The following PEX7 variants were observed in gnomAD, a reference collection of about 807,000 sequenced individuals.
The protein encoded by PEX7 is PTS2 receptor.
A neutral mutation model predicts 47.5 loss-of-function variants in PEX7; 34 were observed. The ratio of observed to expected loss-of-function variants is 0.72; its 90% CI spans 0.54 to 0.95. The LOEUF is 0.95. PEX7 is among the 40% of genes least tolerant of loss of function. PEX7 has a pLI of 0.00. For missense variants in PEX7, 394 were observed against 400.3 expected, an observed-to-expected ratio of 0.98 and a Z score of 0.13; for synonymous variants, 141 against 148.8, an observed-to-expected ratio of 0.95 and a Z score of 0.38.
At chr6:136,826,565 G>T in intron 3 of PEX7, 96 bp downstream of exon 3, 1 of 1,430,644 alleles carries the variant, frequency 7.0e-7, no homozygotes, top group South Asian at 1.2e-5. Context: ...ATCTTCAGGG[G>T]ACAAGTTTAA....
At chr6:136,871,382 C>T (rs1775179090) in intron 7 of PEX7, among the ~76,000 whole-genome samples, 1 of 152,036 alleles carries the variant, frequency 6.6e-6, no homozygotes, top group Non-Finnish European at 1.5e-5. Flanking sequence ...CTGTAATATA[C>T]AAATAACGTA....
intron 6 of PEX7, among the ~76,000 whole-genome samples, chr6:136,868,443 A>G (rs1775113266): frequency 6.6e-6 from 1 of 152,126 alleles, no homozygotes; most frequent in Non-Finnish European, 1.5e-5. Flanking sequence ...AATATAGTAT[A>G]TATACAATGA....
rs537425046 is a variant in PEX7 at position 136,874,839 on chromosome 6, A to G, written c.803+2586A>G. ...TCAGCAGGCAGAATTTTAATTTATC[A>G]ATTAGAACTACTTTTTTCAGCTGGG... On this transcript the variant is annotated intron_variant, in intron 8 of 9. Coordinates refer to ENST00000318471, the MANE Select transcript of PEX7 (RefSeq NM_000288.4). Among the ~76,000 whole-genome samples, 14 of 151,976 alleles carry G rather than the reference A, an allele frequency of 9.2e-5. No homozygotes were observed. The South Asian group carries it at 2.9e-3, about 32-fold the overall frequency.
chr6:136,846,355 A>G, intron 5 of PEX7, among the ~76,000 whole-genome samples, 174 bp downstream of exon 5: 2 of 151,808 alleles, frequency 1.3e-5, no homozygotes, highest in South Asian at 4.2e-4. Context: ...TATTTTTATT[A>G]TTATACTTTA....
chr6:136,880,447 C>A (rs572397464), intron 8 of PEX7, among the ~76,000 whole-genome samples: 1 of 152,284 alleles, frequency 6.6e-6, no homozygotes, highest in African/African-American at 2.4e-5. Context: ...AGCGTTAGAC[C>A]TAGTCCTAGC....
intron 3 of PEX7, among the ~76,000 whole-genome samples, chr6:136,827,447 A>G (rs1262535779): frequency 6.6e-6 from 1 of 151,982 alleles, no homozygotes; most frequent in Non-Finnish European, 1.5e-5. Context: ...TCAATGCACG[A>G]ATCTCTACAG....
chr6:136,900,983 C>A lies in PEX7; in HGVS notation c.903+2742C>A. On this transcript the variant is annotated intron_variant, in intron 9 of 9. Coordinates refer to ENST00000318471, the MANE Select transcript of PEX7 (RefSeq NM_000288.4). The surrounding 1 kb of genome is among the most constrained non-coding windows in gnomAD (Gnocchi z 4.2). The stretch of plus-strand genomic sequence containing the variant: ...GAGGATAACTCTTTGCTGCTGCAGC[C>A]TGACATAGTGGGGCCATTTCACAAA... The A allele has an allele frequency of 5.0e-6, 1 of 201,808 alleles. No homozygotes were observed. Among genetic ancestry groups the A allele is most frequent in the South Asian group, 1.0e-4 (1 of 9,956 alleles). The allele number at this position is 201,808 out of a possible 1,614,324, so 12.5% of individuals were successfully genotyped here.
chr6:136,842,231 G>C (rs775432357), intron 3 of PEX7, among the ~76,000 whole-genome samples: 4 of 152,110 alleles, frequency 2.6e-5, no homozygotes, highest in Non-Finnish European at 5.9e-5. Context: ...CTGGCCTCAA[G>C]TGACCTGCCC....
In PEX7 at chr6:136,873,648, A is replaced by G. The variant is rs528107083; in HGVS notation, c.803+1395A>G. Among the ~76,000 whole-genome samples, 7 of 152,260 alleles carry G rather than the reference A, an allele frequency of 4.6e-5. No homozygotes were observed. In the South Asian group the frequency reaches 1.0e-3, roughly 23 times the overall value. On this transcript the variant is annotated intron_variant, in intron 8 of 9. Transcript: ENST00000318471. ...ATTTTTCTTAAAATTCCCTCCACAA[A>G]TACCACTAATACAGTGCTAAATAGT...
intron 8 of PEX7, 89 bp from the exon 9 acceptor site, chr6:136,898,053 C>G: frequency 1.3e-6 from 1 of 782,522 alleles, no homozygotes; most frequent in East Asian, 2.7e-5. Context: ...TGGATAAAAT[C>G]TTTGCTATGT....
chr6:136,885,787 A>G (rs1485509808), intron 8 of PEX7, among the ~76,000 whole-genome samples: 4 of 152,204 alleles, frequency 2.6e-5, no homozygotes, highest in Admixed American at 6.6e-5. Context: ...CAATAGAGTA[A>G]TTATGGGTTG....
chr6:136,828,410 A>T (rs1015191478), intron 3 of PEX7, among the ~76,000 whole-genome samples: 23 of 152,084 alleles, frequency 1.5e-4, no homozygotes, highest in African/African-American at 5.3e-4. Flanking sequence ...AACTTATTTG[A>T]CTTTTAGGTT....
chr6:136,864,112 A>G (rs900338569), intron 5 of PEX7, among the ~76,000 whole-genome samples: 2 of 152,038 alleles, frequency 1.3e-5, no homozygotes, highest in Admixed American at 1.3e-4. Context: ...ATAGTACTAT[A>G]TTCCTCATTT....
chr6:136,853,881 C>T (rs868745560), intron 5 of PEX7, among the ~76,000 whole-genome samples: 6 of 152,222 alleles, frequency 3.9e-5, no homozygotes, highest in East Asian at 3.9e-4. Flanking sequence ...TACACACTGT[C>T]GACTTATAAG....
intron 8 of PEX7, among the ~76,000 whole-genome samples, chr6:136,889,563 T>C (rs76517949): frequency 0.015 from 2,235 of 152,342 alleles, 45 homozygotes; most frequent in African/African-American, 0.051. Flanking sequence ...AGAACATTTA[T>C]GGACTTTCTA....
At chr6:136,899,018 C>A (rs1775703129) in intron 9 of PEX7, among the ~76,000 whole-genome samples, 1 of 151,514 alleles carries the variant, frequency 6.6e-6, no homozygotes, top group South Asian at 2.1e-4. Context: ...AAAAGAAAAT[C>A]CCACTTCACA....
At chr6:136,885,372 C>T (rs1775451297) in intron 8 of PEX7, among the ~76,000 whole-genome samples, 2 of 152,098 alleles carry the variant, frequency 1.3e-5, no homozygotes, top group Admixed American at 1.3e-4. Context: ...CCAGACCAAG[C>T]ACTTAATTTT....
At chr6:136,887,583 CA>C (rs1274937646) in intron 8 of PEX7, among the ~76,000 whole-genome samples, 1 of 152,002 alleles carries the variant, frequency 6.6e-6, no homozygotes, top group Non-Finnish European at 1.5e-5. Flanking sequence ...AATGGTTCAG[CA>C]AAAATATTCC....
intron 8 of PEX7, among the ~76,000 whole-genome samples, chr6:136,874,020 T>C (rs896647350): frequency 2.0e-5 from 3 of 152,212 alleles, no homozygotes; most frequent in African/African-American, 7.2e-5. Context: ...TTGTGTTTGC[T>C]AATATTTTAT....
Sources: allele counts gnomAD v4.1 joint callset (sites outside exome capture counted in the v4.1 genomes callset), GRCh38; gene constraint gnomAD v4.1.1; non-coding constraint Gnocchi (gnomAD v3.1); transcripts MANE v1.5; gene names NCBI Gene and HGNC (gene_info 2026-07-23, HGNC 2026-07-21).